Variants in MBTPS1 observed in about 807,000 individuals in gnomAD.
MBTPS1 encodes the protein membrane-bound transcription factor site-1 protease.
Under a neutral mutation model 127.8 loss-of-function variants are expected in MBTPS1, and 94 were observed. The observed-to-expected ratio is 0.74, with a 90% CI of 0.62 to 0.87. The LOEUF (loss-of-function observed/expected upper bound fraction) is 0.87. MBTPS1 is among the 40% of genes least tolerant of loss of function. The pLI, the probability that MBTPS1 is intolerant of heterozygous loss-of-function variation, is 0.00. For missense variants in MBTPS1, 1,636 were observed against 1,353.2 expected (o/e 1.21, Z -3.28); for synonymous variants, 632 against 509.4 (o/e 1.24, Z -3.24).
In MBTPS1 at chr16:84,070,725, A is replaced by T. The variant is rs977604913; in HGVS notation, c.1645T>A (p.Phe549Ile). 1.2e-6 allele frequency: 2 copies of T among 1,614,136 alleles called. No homozygotes were observed. Among genetic ancestry groups the T allele is most frequent in the Non-Finnish European group, 8.5e-7 (1 of 1,180,008 alleles). ...GGCCATAAGACCGAGGAGTAGGAGAAGGCAACTTCAATGTTGTCTCCGTTC... is the reference window on the plus strand; with the variant it reads ...GGCCATAAGACCGAGGAGTAGGAGATGGCAACTTCAATGTTGTCTCCGTTC... ...PQNGDNIEVA[F>I]SYSSVLWPWS... is the part of the protein sequence containing the mutation. The change falls in exon 13 of 23, where the codon TTC becomes ATC. Residue 549 changes from phenylalanine to isoleucine, a missense_variant. Phe to Ile is a conservative substitution (Grantham distance 21). Transcript: ENST00000343411.
intron 22 of MBTPS1, among the ~76,000 whole-genome samples, chr16:84,054,861 A>G (rs192082569): frequency 4.6e-5 from 7 of 152,298 alleles, no homozygotes; most frequent in Non-Finnish European, 8.8e-5. Context: ...TGTGGGGTGG[A>G]GGCTCGGTGG....
Position 84,099,167 on chromosome 16 carries a change from C to T in MBTPS1, c.307G>A (p.Val103Met). The change falls in exon 3 of 23, where the codon GTG becomes ATG. Residue 103 changes from valine to methionine, a missense_variant. Transcript: ENST00000343411. ...TTCTGTTTTTCTTTTATCTGAATCA[C>T]CTCAAAATCACTAGGGTAGTCACTG... ...PSSDYPSDFE[V>M]IQIKEKQKAG... is the part of the protein sequence containing the mutation. 1 of 1,614,144 alleles carries T rather than the reference C, an allele frequency of 6.2e-7. No individual in the cohort carries two copies.
At chr16:84,083,780 CTCAA>C (rs1323435840) in intron 10 of MBTPS1, among the ~76,000 whole-genome samples, 2 of 152,114 alleles carry the variant, frequency 1.3e-5, no homozygotes, top group African/African-American at 2.4e-5. Context: ...TATCACAACA[CTCAA>C]CTAAAACTTC....
chr16:84,108,479 G>A (rs764030708), intron 1 of MBTPS1, among the ~76,000 whole-genome samples: 3 of 152,162 alleles, frequency 2.0e-5, no homozygotes, highest in Non-Finnish European at 4.4e-5. Context: ...GGCCAGGCTG[G>A]TCTCGAACTC....
rs746639845 is a variant in MBTPS1, at chr16:84,060,766, C to A, written c.2620G>T (p.Val874Leu). 14 of 1,607,210 alleles carry A rather than the reference C, an allele frequency of 8.7e-6. No individual in the cohort carries two copies. The highest frequency in any genetic ancestry group is 1.3e-5 in the African/African-American group (1 of 74,850). The stretch of plus-strand genomic sequence containing the variant: ...GAGTGACTGAGGCTAGGCGGTGTCA[C>A]CCCATACGATGTGTACTGGAGGAGG... The part of the protein sequence containing the change: ...DALLQYTSYG[V>L]TPPSLSHSGN... Residue 874 changes from valine to leucine, a missense_variant, in exon 20 of 23, where the codon GTG (valine) becomes TTG (leucine). Physicochemically the swap from Val to Leu is conservative, Grantham distance 32. Coordinates refer to ENST00000343411, the MANE Select transcript of MBTPS1 (RefSeq NM_003791.4).
chr16:84,104,820 T>G (rs1237997316), intron 1 of MBTPS1, among the ~76,000 whole-genome samples: 1 of 151,908 alleles, frequency 6.6e-6, no homozygotes, highest in African/African-American at 2.4e-5. Context: ...TAATCCTGGG[T>G]GTGATTCCAC....
At chr16:84,106,146 T>C (rs970802201) in intron 1 of MBTPS1, among the ~76,000 whole-genome samples, 7 of 151,914 alleles carry the variant, frequency 4.6e-5, no homozygotes, top group Non-Finnish European at 8.8e-5. Flanking sequence ...AACAAAAAAA[T>C]TAGTCGTGCG....
At position 84,114,221 on chromosome 16, in the gene MBTPS1, A is replaced by G. The variant is rs375489025; in HGVS notation, c.-325+2514T>C. ...CGTGATCTGCCCGCCTCGGCCTCCCAAAGTGCTGGGATTACAGGCGTGAGC... is the reference window on the plus strand; with the variant it reads ...CGTGATCTGCCCGCCTCGGCCTCCCGAAGTGCTGGGATTACAGGCGTGAGC... On this transcript the variant is annotated intron_variant, in intron 1 of 22. Coordinates refer to ENST00000343411, the MANE Select transcript of MBTPS1 (RefSeq NM_003791.4). 9.2e-4 allele frequency among the ~76,000 whole-genome samples: 140 copies of G among 152,150 alleles called. 4 individuals carry two copies. The South Asian group carries it at 0.027, about 29-fold the overall frequency.
intron 3 of MBTPS1, among the ~76,000 whole-genome samples, 174 bp downstream of exon 3, chr16:84,098,879 A>G (rs2086215287): frequency 6.6e-6 from 1 of 151,958 alleles, no homozygotes; most frequent in Non-Finnish European, 1.5e-5. Flanking sequence ...CCCAACACCG[A>G]CCCTGCGCAC....
rs758578149 is a variant in MBTPS1, at chr16:84,087,341, A to G, written c.1134+17T>C. The G allele has an allele frequency of 1.8e-5, 29 of 1,591,560 alleles. No individual in the cohort carries two copies. In the African/African-American group the frequency reaches 3.6e-4, roughly 20 times the overall value. ...TTTGTCCAGCTAAATACAATTATTT[A>G]GCAAAGAAGAGCGTACCCAGGTAGT... On this transcript the variant is annotated intron_variant, in intron 9 of 22. Coordinates refer to ENST00000343411, the MANE Select transcript of MBTPS1 (RefSeq NM_003791.4).
chr16:84,101,274 T>G (rs1028784972), intron 2 of MBTPS1, among the ~76,000 whole-genome samples: 2 of 152,040 alleles, frequency 1.3e-5, no homozygotes, highest in Non-Finnish European at 2.9e-5. Flanking sequence ...CACTCCAGCC[T>G]CAGCAACAGA....
chr16:84,085,013 A>G lies in MBTPS1; in HGVS notation c.1256T>C (p.Val419Ala). 1 of 1,614,188 alleles carries G rather than the reference A, an allele frequency of 6.2e-7. No homozygotes were observed. The highest frequency in any genetic ancestry group is 1.1e-5 in the South Asian group (1 of 91,082). ...ALSGTSVASP[V>A]VAGAVTLLVS... is the part of the protein sequence containing the mutation. ...TAACAAGGTGACAGCACCTGCAACCACTGGAGAAGCAACACTGGTCCCTGA... is the reference window on the plus strand; with the variant it reads ...TAACAAGGTGACAGCACCTGCAACCGCTGGAGAAGCAACACTGGTCCCTGA... The change falls in exon 10 of 23, where the codon GTG becomes GCG. Residue 419 changes from valine (V) to alanine (A), a missense_variant. Coordinates refer to ENST00000343411, the MANE Select transcript of MBTPS1 (RefSeq NM_003791.4).
intron 12 of MBTPS1, chr16:84,071,810 G>A (rs996016126): frequency 2.6e-5 from 4 of 152,152 alleles, no homozygotes; most frequent in African/African-American, 9.7e-5. Flanking sequence ...TCACCTGGAG[G>A]AACATTTTGC....
At position 84,069,874 on chromosome 16, in the gene MBTPS1, A is replaced by G. The variant is rs534019166; in HGVS notation, c.1947T>C (p.Pro649=). ...PRDNLRMKND[P]LDWNGDHIHT... ...TCCTGTGAGGTGCTTACCAGTCTAAAGGGTCATTCTTCATCCTTAAATTAT... is the reference window on the plus strand; with the variant it reads ...TCCTGTGAGGTGCTTACCAGTCTAAGGGGTCATTCTTCATCCTTAAATTAT... Residue 649 remains proline (P), a synonymous_variant, in exon 14 of 23, where the codon CCT becomes CCC. Transcript: ENST00000343411. 5 of 1,613,702 alleles carry G rather than the reference A, an allele frequency of 3.1e-6. No homozygotes were observed. Among genetic ancestry groups the G allele is most frequent in the Non-Finnish European group, 4.2e-6 (5 of 1,179,934 alleles).
chr16:84,067,927 C>T (rs2085711115), intron 15 of MBTPS1, 104 bp from the exon 16 acceptor site: 3 of 1,140,974 alleles, frequency 2.6e-6, no homozygotes, highest in Non-Finnish European at 3.7e-6. Context: ...TTACTGACAC[C>T]TAACAGTCTG....
intron 13 of MBTPS1, among the ~76,000 whole-genome samples, chr16:84,070,366 G>C (rs778369159): frequency 5.9e-5 from 9 of 152,214 alleles, no homozygotes; most frequent in Non-Finnish European, 1.2e-4. Context: ...CTTCTCTGCT[G>C]TTGTGTGGCC....
chr16:84,090,889 G>C lies in MBTPS1; in HGVS notation c.1017C>G (p.Asp339Glu). ...NVIMVSAIGN[D>E]GPLYGTLNNP... ...GGGCTACTTACCCATAAAGAGGTCC[G>C]TCATTGCCAATAGCAGAAACCATGA... is the stretch of plus-strand genomic sequence containing the variant. The change falls in exon 8 of 23, where the codon GAC becomes GAG. Residue 339 changes from aspartate to glutamate, a missense_variant. Asp to Glu is a conservative substitution (Grantham distance 45, BLOSUM62 2). Transcript: ENST00000343411. The C allele has an allele frequency of 1.2e-6, 2 of 1,612,286 alleles. No homozygotes were observed. Among genetic ancestry groups the C allele is most frequent in the Non-Finnish European group, 1.7e-6 (2 of 1,179,154 alleles).
At chr16:84,101,272 C>G (rs2086251123) in intron 2 of MBTPS1, among the ~76,000 whole-genome samples, 1 of 152,050 alleles carries the variant, frequency 6.6e-6, no homozygotes, top group Non-Finnish European at 1.5e-5. Flanking sequence ...TGCACTCCAG[C>G]CTCAGCAACA....
At chr16:84,113,714 C>T (rs1037216852) in intron 1 of MBTPS1, among the ~76,000 whole-genome samples, 2 of 152,118 alleles carry the variant, frequency 1.3e-5, no homozygotes, top group African/African-American at 4.8e-5. Context: ...CTTGTATCAC[C>T]CGACAATCAT....
Sources: gnomAD v4.1 joint callset for allele counts (sites outside exome capture counted in the v4.1 genomes callset) on GRCh38, gnomAD v4.1.1 for gene constraint, MANE v1.5 for transcripts, NCBI Gene and HGNC (gene_info 2026-07-23, HGNC 2026-07-21) for gene names.